Variants in TBCA observed in about 807,000 individuals in gnomAD.
TBCA encodes the protein tubulin folding cofactor A, also known as tubulin-specific chaperone A.
In TBCA, 6 loss-of-function variants were observed where a neutral mutation model predicts 15.8. The observed-to-expected ratio is 0.38, with a 90% CI of 0.21 to 0.75. TBCA has a LOEUF of 0.75. TBCA is among the 30% of genes least tolerant of loss of function. The probability of loss-of-function intolerance (pLI) is 0.46; values close to 1 mark genes in which losing one functional copy is unlikely to be tolerated. For missense variants in TBCA, 90 were observed against 131.2 expected (o/e 0.69, Z 1.53); for synonymous variants, 32 against 42.3 (o/e 0.76, Z 0.94).
chr5:77,742,808 G>C (rs967447748), intron 1 of TBCA, among the ~76,000 whole-genome samples: 6 of 152,062 alleles, frequency 3.9e-5, no homozygotes, highest in Non-Finnish European at 8.8e-5. Context: ...CTTATGTTTG[G>C]TATTACTCTA....
rs1056688256 is a variant in TBCA, at chr5:77,738,199, T to C, written c.54-29852A>G. ...ATTGTTATTTTCCACTATAAAATTT[T>C]CAAGACACCTAAATGTCACTAATTC... is the stretch of plus-strand genomic sequence containing the variant. On this transcript the variant is annotated intron_variant, in intron 1 of 3. Coordinates refer to ENST00000380377, the MANE Select transcript of TBCA (RefSeq NM_004607.3). Among the ~76,000 whole-genome samples, 6 of 152,214 alleles carry C rather than the reference T, an allele frequency of 3.9e-5. 1 individual carries two copies. The highest frequency in any genetic ancestry group is 3.9e-4 in the Admixed American group (6 of 15,282).
intron 1 of TBCA, among the ~76,000 whole-genome samples, chr5:77,728,791 G>C (rs1746689773): frequency 6.6e-6 from 1 of 151,954 alleles, no homozygotes. Context: ...GACATAGTAG[G>C]TCTCTATGTC....
chr5:77,730,306 G>C (rs1745380160), intron 1 of TBCA, among the ~76,000 whole-genome samples: 1 of 152,188 alleles, frequency 6.6e-6, no homozygotes, highest in African/African-American at 2.4e-5. Flanking sequence ...CATGAAGACA[G>C]AGATAGAGAT....
intron 2 of TBCA, chr5:77,693,554 T>C (rs1286140699): frequency 1.6e-6 from 1 of 633,632 alleles, no homozygotes; most frequent in Non-Finnish European, 2.7e-6. Flanking sequence ...ATCCCAGCAT[T>C]TTGGGAGACC....
intron 1 of TBCA, among the ~76,000 whole-genome samples, chr5:77,745,161 CAAGAAA>C (rs1388136197): frequency 6.6e-6 from 1 of 151,848 alleles, no homozygotes; most frequent in Non-Finnish European, 1.5e-5. Context: ...GTTGCCAAAA[CAAGAAA>C]AAGAAAGAAA....
chr5:77,773,405 GTAT>G (rs1048774239), intron 1 of TBCA, among the ~76,000 whole-genome samples: 1 of 151,984 alleles, frequency 6.6e-6, no homozygotes, highest in Non-Finnish European at 1.5e-5. Flanking sequence ...AATCCAAACA[GTAT>G]TATTAACATT....
At chr5:77,715,486 A>G (rs1305077372) in intron 1 of TBCA, among the ~76,000 whole-genome samples, 2 of 152,202 alleles carry the variant, frequency 1.3e-5, no homozygotes, top group Non-Finnish European at 2.9e-5. Flanking sequence ...TTAATGATAT[A>G]ATAAAGAAGT....
At chr5:77,746,149 C>T (rs904129956) in intron 1 of TBCA, among the ~76,000 whole-genome samples, 11 of 151,960 alleles carry the variant, frequency 7.2e-5, no homozygotes, top group Non-Finnish European at 1.5e-4. Context: ...TGTTTCAGGC[C>T]CGGCCGTGGT....
chr5:77,740,527 GGTA>G (rs1471600478), intron 1 of TBCA, among the ~76,000 whole-genome samples: 1 of 152,130 alleles, frequency 6.6e-6, no homozygotes, highest in African/African-American at 2.4e-5. Context: ...GTGGTAGTAT[GGTA>G]GTACCATTGT....
intron 2 of TBCA, among the ~76,000 whole-genome samples, chr5:77,703,137 C>T (rs1171702950): frequency 1.3e-5 from 2 of 152,168 alleles, no homozygotes; most frequent in East Asian, 3.9e-4. Flanking sequence ...ATGAATTTTA[C>T]ATTACTGTAA....
chr5:77,745,483 C>A (rs1747165287), intron 1 of TBCA, among the ~76,000 whole-genome samples: 1 of 152,112 alleles, frequency 6.6e-6, no homozygotes, highest in Admixed American at 6.6e-5. Flanking sequence ...ACAACTTTAT[C>A]ATAATATGAG....
chr5:77,714,416 T>C (rs1269593650), intron 1 of TBCA, among the ~76,000 whole-genome samples: 1 of 152,074 alleles, frequency 6.6e-6, no homozygotes, highest in Non-Finnish European at 1.5e-5. Flanking sequence ...TCAGATTGAC[T>C]TACACTTCTC....
At chr5:77,753,815 G>A (rs1747412176) in intron 1 of TBCA, among the ~76,000 whole-genome samples, 1 of 152,124 alleles carries the variant, frequency 6.6e-6, no homozygotes, top group Non-Finnish European at 1.5e-5. Flanking sequence ...CTGGAGTGCA[G>A]TGGTGCCATC....
chr5:77,709,515 C>T (rs1746227974), intron 1 of TBCA, among the ~76,000 whole-genome samples: 1 of 152,096 alleles, frequency 6.6e-6, no homozygotes, highest in African/African-American at 2.4e-5. Context: ...ATAAAAATAG[C>T]TTTCTCCATC....
intron 1 of TBCA, among the ~76,000 whole-genome samples, chr5:77,765,842 T>C (rs1321637304): frequency 1.4e-5 from 2 of 144,348 alleles, no homozygotes; most frequent in African/African-American, 5.3e-5. Context: ...TATAACAATG[T>C]ACATTGTGGC....
chr5:77,710,434 T>C (rs1356875938), intron 1 of TBCA, among the ~76,000 whole-genome samples: 3 of 152,212 alleles, frequency 2.0e-5, no homozygotes, highest in African/African-American at 7.2e-5. Context: ...TCCCTTTAAA[T>C]AGTAAAAGAA....
chr5:77,696,569 A>T (rs1485150581), intron 2 of TBCA, among the ~76,000 whole-genome samples: 4 of 152,368 alleles, frequency 2.6e-5, no homozygotes, highest in Admixed American at 1.3e-4. Flanking sequence ...ACTCATTTCA[A>T]ACATAATGAA....
chr5:77,707,685 G>A (rs1051708419), intron 2 of TBCA, among the ~76,000 whole-genome samples: 5 of 152,208 alleles, frequency 3.3e-5, no homozygotes, highest in Non-Finnish European at 7.4e-5. Flanking sequence ...ATTGAAAAGT[G>A]CAATGCGTAT....
chr5:77,740,642 T>G (rs941223844), intron 1 of TBCA, among the ~76,000 whole-genome samples: 10 of 152,066 alleles, frequency 6.6e-5, no homozygotes, highest in African/African-American at 2.4e-4. Flanking sequence ...GATATTAAGG[T>G]GGAAATGGCC....
Sources: gnomAD v4.1 joint callset for allele counts (sites outside exome capture counted in the v4.1 genomes callset) on GRCh38, gnomAD v4.1.1 for gene constraint, MANE v1.5 for transcripts, NCBI Gene and HGNC (gene_info 2026-07-23, HGNC 2026-07-21) for gene names.